The following KCNT2 variants were observed in gnomAD, a reference collection of about 807,000 sequenced individuals.
The protein encoded by KCNT2 is potassium channel subfamily T member 2.
Under a neutral mutation model 153.8 loss-of-function variants are expected in KCNT2, and 67 were observed. The ratio of observed to expected loss-of-function variants is 0.44; its 90% CI spans 0.36 to 0.53. The LOEUF is 0.53. Among genes scored for constraint, KCNT2 ranks in the 20% least tolerant of loss-of-function variants. The pLI is 0.00. For missense variants in KCNT2, 975 were observed against 1,354.8 expected (o/e 0.72, Z 4.40); for synonymous variants, 500 against 458.8 (o/e 1.09, Z -1.15).
At chr1:196,325,879 G>A (rs1253589640) in intron 19 of KCNT2, among the ~76,000 whole-genome samples, 5 of 152,078 alleles carry the variant, frequency 3.3e-5, no homozygotes, top group Non-Finnish European at 7.4e-5. Flanking sequence ...ATAATGTACT[G>A]GGCAGATGTC....
At chr1:196,289,248 T>A (rs1045255563) in intron 22 of KCNT2, among the ~76,000 whole-genome samples, 22 of 152,106 alleles carry the variant, frequency 1.4e-4, no homozygotes, top group Non-Finnish European at 2.9e-5. Context: ...AAGAGGTATT[T>A]CCTTATCACC....
At chr1:196,565,013 A>C (rs1659911171) in intron 1 of KCNT2, among the ~76,000 whole-genome samples, 1 of 151,822 alleles carries the variant, frequency 6.6e-6, no homozygotes, top group Non-Finnish European at 1.5e-5. Flanking sequence ...CAATCAACAG[A>C]GTGAAAGTAA....
intron 21 of KCNT2, among the ~76,000 whole-genome samples, chr1:196,314,138 A>C (rs1317519353): frequency 6.6e-6 from 1 of 151,632 alleles, no homozygotes; most frequent in African/African-American, 2.4e-5. Flanking sequence ...ATTTCCTTGG[A>C]ATCAAAATAA....
At chr1:196,319,616 G>A in intron 19 of KCNT2, 61 bp from the exon 20 acceptor site, 5 of 1,074,482 alleles carry the variant, frequency 4.7e-6, no homozygotes, top group Non-Finnish European at 7.0e-6. Flanking sequence ...GCACTTCTAG[G>A]GAAAGGAAGT....
intron 27 of KCNT2, among the ~76,000 whole-genome samples, chr1:196,232,138 G>A (rs1654011830): frequency 6.6e-6 from 1 of 151,646 alleles, no homozygotes; most frequent in South Asian, 2.1e-4. Context: ...TAGTGTTCTT[G>A]GACCTATTAA....
rs189858388 is a variant in KCNT2 at position 196,291,691 on chromosome 1, G to T, written c.2596-5933C>A. On this transcript the variant is annotated intron_variant, in intron 22 of 27. Transcript: ENST00000294725. ...ATTAGTCCAAATCTGAACTACAGAG[G>T]AGTTTCATTTGGGCTGCCTAAATTT... 2.0e-5 allele frequency among the ~76,000 whole-genome samples: 3 copies of T among 152,196 alleles called. No individual in the cohort carries two copies. In the East Asian group the frequency reaches 5.8e-4, roughly 30 times the overall value.
chr1:196,313,830 A>G (rs1008706010), intron 21 of KCNT2, among the ~76,000 whole-genome samples: 1 of 151,614 alleles, frequency 6.6e-6, no homozygotes, highest in Non-Finnish European at 1.5e-5. Flanking sequence ...TCTGCTCAAA[A>G]CTATTCAGTC....
At chr1:196,469,775 C>T (rs762997306) in intron 5 of KCNT2, among the ~76,000 whole-genome samples, 1 of 152,142 alleles carries the variant, frequency 6.6e-6, no homozygotes, top group Non-Finnish European at 1.5e-5. Context: ...CTGACCCTAA[C>T]ATTAAGAGGT....
chr1:196,272,935 T>C (rs956486808), intron 25 of KCNT2, among the ~76,000 whole-genome samples: 4 of 151,902 alleles, frequency 2.6e-5, no homozygotes, highest in Admixed American at 1.3e-4. Context: ...ATGTATCATA[T>C]GCTTGAAATT....
At chr1:196,283,856 T>C (rs1490815829) in intron 23 of KCNT2, among the ~76,000 whole-genome samples, 1 of 151,608 alleles carries the variant, frequency 6.6e-6, no homozygotes, top group Non-Finnish European at 1.5e-5. Flanking sequence ...ATATTTTGTT[T>C]CAGTTATATA....
At chr1:196,559,512 C>T (rs914387854) in intron 1 of KCNT2, among the ~76,000 whole-genome samples, 3 of 151,664 alleles carry the variant, frequency 2.0e-5, no homozygotes, top group African/African-American at 7.3e-5. Flanking sequence ...AAGAGTAGAA[C>T]ATTTCAATGC....
At chr1:196,290,895 G>A (rs945752783) in intron 22 of KCNT2, among the ~76,000 whole-genome samples, 1 of 151,816 alleles carries the variant, frequency 6.6e-6, no homozygotes, top group African/African-American at 2.4e-5. Context: ...CAAGTCTGAC[G>A]ATGCCACCTC....
intron 1 of KCNT2, among the ~76,000 whole-genome samples, chr1:196,507,269 C>T (rs1681222945): frequency 6.6e-6 from 1 of 152,194 alleles, no homozygotes; most frequent in African/African-American, 2.4e-5. Context: ...GAGAAAAATT[C>T]ACCATCAGTT....
At chr1:196,272,791 T>C (rs898542449) in intron 25 of KCNT2, among the ~76,000 whole-genome samples, 2 of 151,784 alleles carry the variant, frequency 1.3e-5, no homozygotes, top group Non-Finnish European at 2.9e-5. Flanking sequence ...GTCAAATTCA[T>C]GGAAAAAGAG....
chr1:196,324,013 G>T lies in KCNT2; in HGVS notation c.2276+2704C>A, dbSNP rs386491626. On this transcript the variant is annotated intron_variant, in intron 19 of 27. Transcript: ENST00000294725. ...TAAAACTTCCTGGACATTGTTAATT[G>T]GTGTTTAGTTTTAGTTTCCTCATTC... 5.9e-3 allele frequency among the ~76,000 whole-genome samples: 891 copies of T among 151,094 alleles called. 3 individuals are homozygous for T. The highest frequency in any genetic ancestry group is 0.011 in the Non-Finnish European group (720 of 67,710).
intron 1 of KCNT2, among the ~76,000 whole-genome samples, chr1:196,523,334 C>A (rs1426026657): frequency 6.6e-6 from 1 of 152,186 alleles, no homozygotes; most frequent in Non-Finnish European, 1.5e-5. Flanking sequence ...GGGTCTGTGG[C>A]TTCATTCTTG....
At chr1:196,489,012 G>A (rs1679653466) in intron 3 of KCNT2, among the ~76,000 whole-genome samples, 1 of 151,952 alleles carries the variant, frequency 6.6e-6, no homozygotes, top group African/African-American at 2.4e-5. Flanking sequence ...TATCCATAAA[G>A]TTGTTTTCCT....
At chr1:196,556,351 G>A (rs887609704) in intron 1 of KCNT2, among the ~76,000 whole-genome samples, 1 of 151,236 alleles carries the variant, frequency 6.6e-6, no homozygotes, top group African/African-American at 2.4e-5. Flanking sequence ...TTGAATACAC[G>A]TTTTTCAAAA....
At chr1:196,274,196 G>A (rs1483562226) in intron 25 of KCNT2, among the ~76,000 whole-genome samples, 3 of 151,232 alleles carry the variant, frequency 2.0e-5, no homozygotes, top group African/African-American at 2.4e-5. Flanking sequence ...AGCTAAGTAG[G>A]GGTTATAAAT....
Sources: gnomAD v4.1 joint callset for allele counts (sites outside exome capture counted in the v4.1 genomes callset) on GRCh38, gnomAD v4.1.1 for gene constraint, MANE v1.5 for transcripts, NCBI Gene and HGNC (gene_info 2026-07-23, HGNC 2026-07-21) for gene names.